Variants in VIT observed in about 807,000 individuals in gnomAD.
VIT encodes vitrin.
In VIT, 99 loss-of-function variants were observed where a neutral mutation model predicts 78.0. That is an observed-to-expected ratio of 1.27 (90% CI 1.08 to 1.50). The LOEUF (loss-of-function observed/expected upper bound fraction) is 1.50, where lower values mean the gene tolerates loss of function less well. VIT is among the 40% of genes most tolerant of loss of function. The pLI, the probability that VIT is intolerant of heterozygous loss-of-function variation, is 0.00. For synonymous variants in VIT, 374 were observed against 334.3 expected, an observed-to-expected ratio of 1.12 and a Z score of -1.29; for missense variants, 1,126 against 875.3, an observed-to-expected ratio of 1.29 and a Z score of -3.61.
chr2:36,743,032 T>C, intron 3 of VIT, 68 bp from the exon 4 acceptor site: 1 of 1,591,398 alleles, frequency 6.3e-7, no homozygotes, highest in African/African-American at 1.3e-5. Context: ...AGTTGAGACC[T>C]AACAGTGTCA....
In VIT at chr2:36,719,173, G is replaced by A. The variant is rs565416377; in HGVS notation, c.52+2751G>A. Among the ~76,000 whole-genome samples the A allele has an allele frequency of 6.6e-5, 10 of 152,294 alleles. 1 individual carries two copies. In the South Asian group the frequency reaches 2.1e-3, roughly 32 times the overall value. On this transcript the variant is annotated intron_variant, in intron 2 of 15. Coordinates refer to ENST00000379242, the MANE Select transcript of VIT (RefSeq NM_053276.4). ...ATAGCAAGAAATCAAAGTAGAAAAA[G>A]GAGACTCCTATACCTCAACACAATA...
chr2:36,716,427 G>A lies in VIT; in HGVS notation c.52+5G>A, dbSNP rs971568064. ...CTGTTATTGAAATGTTCCTTGGTAA[G>A]TACTTTTATATGTGTATCTGGATAC... On this transcript the variant is annotated splice_donor_5th_base_variant and intron_variant, in intron 2 of 15. Coordinates refer to ENST00000379242, the MANE Select transcript of VIT (RefSeq NM_053276.4). The A allele has an allele frequency of 1.2e-6, 2 of 1,613,478 alleles. No individual in the cohort carries two copies. The highest frequency in any genetic ancestry group is 1.7e-6 in the Non-Finnish European group (2 of 1,179,744).
chr2:36,787,889 G>A (rs1267137494), intron 12 of VIT: 9 of 452,044 alleles, frequency 2.0e-5, no homozygotes, highest in Non-Finnish European at 3.1e-5. Flanking sequence ...GATGACTTTC[G>A]CCAACCTGCT....
chr2:36,716,930 G>A (rs565789732), intron 2 of VIT, among the ~76,000 whole-genome samples: 1 of 128,098 alleles, frequency 7.8e-6, no homozygotes, highest in South Asian at 2.6e-4. Context: ...AGGCTGGAAT[G>A]CAGTGGAGTG....
chr2:36,801,337 C>G lies in VIT; in HGVS notation c.1095C>G (p.His365Gln). 3 of 1,614,168 alleles carry G rather than the reference C, an allele frequency of 1.9e-6. No homozygotes were observed. Among genetic ancestry groups the G allele is most frequent in the Non-Finnish European group, 2.5e-6 (3 of 1,180,042 alleles). Residue 365 changes from histidine (H) to glutamine (Q), a missense_variant, in exon 13 of 16, where the codon CAC becomes CAG. Coordinates refer to ENST00000379242, the MANE Select transcript of VIT (RefSeq NM_053276.4). ...NPATHFNLKTHTNSRDLKTAI... is the reference protein window; with the variant it reads ...NPATHFNLKTQTNSRDLKTAI... ...CTACTCACTTTAACCTCAAGACACACACGAATTCTCGAGATCTGAAGACAG... is the reference window on the plus strand; with the variant it reads ...CTACTCACTTTAACCTCAAGACACAGACGAATTCTCGAGATCTGAAGACAG...
At chr2:36,781,645 T>C in intron 9 of VIT, 82 bp from the exon 10 acceptor site, 1 of 1,517,866 alleles carries the variant, frequency 6.6e-7, no homozygotes, top group Non-Finnish European at 9.1e-7. Context: ...TGGGAAACCT[T>C]ATCATCCCGG....
chr2:36,784,286 T>C (rs1471122708), intron 11 of VIT, among the ~76,000 whole-genome samples: 1 of 152,218 alleles, frequency 6.6e-6, no homozygotes, highest in Non-Finnish European at 1.5e-5. Context: ...TTGCTGCATA[T>C]GAGAATCACC....
At chr2:36,759,473 T>C (rs998503493) in intron 6 of VIT, 2 of 1,198,930 alleles carry the variant, frequency 1.7e-6, no homozygotes, top group African/African-American at 3.1e-5. Flanking sequence ...CTCATCCAAA[T>C]AACCCAGGCC....
intron 7 of VIT, among the ~76,000 whole-genome samples, chr2:36,769,848 C>A (rs1669643084): frequency 6.6e-6 from 1 of 152,164 alleles, no homozygotes; most frequent in South Asian, 2.1e-4. Flanking sequence ...ATTTCCCCAA[C>A]CCCTCCTCCC....
intron 10 of VIT, among the ~76,000 whole-genome samples, chr2:36,782,962 G>C (rs1461263710): frequency 1.3e-5 from 2 of 152,166 alleles, no homozygotes; most frequent in Non-Finnish European, 2.9e-5. Context: ...ATCTTGGCAC[G>C]GTGGAGGTTT....
At chr2:36,812,700 C>A (rs1239656579) in intron 15 of VIT, among the ~76,000 whole-genome samples, 1 of 152,118 alleles carries the variant, frequency 6.6e-6, no homozygotes, top group African/African-American at 2.4e-5. Context: ...CACCTACTGA[C>A]TCCCTTTCAC....
intron 1 of VIT, among the ~76,000 whole-genome samples, chr2:36,704,463 G>A (rs1390243508): frequency 6.6e-6 from 1 of 152,134 alleles, no homozygotes; most frequent in Non-Finnish European, 1.5e-5. Context: ...TTAACAGGCC[G>A]CTATATATCC....
chr2:36,755,525 A>C lies in VIT; in HGVS notation c.409+471A>C, dbSNP rs1668709039. On this transcript the variant is annotated intron_variant, in intron 5 of 15. Coordinates refer to ENST00000379242, the MANE Select transcript of VIT (RefSeq NM_053276.4). ...TCCATTGTTGGTGATGCTAAGTTTG[A>C]TTCACTGGATATTTTACCATATCTG... Among the ~76,000 whole-genome samples, 4 of 152,164 alleles carry C rather than the reference A, an allele frequency of 2.6e-5. No homozygotes were observed. The South Asian group carries it at 8.3e-4, about 32-fold the overall frequency.
chr2:36,746,990 G>A (rs1487587827), intron 4 of VIT, among the ~76,000 whole-genome samples: 1 of 152,002 alleles, frequency 6.6e-6, no homozygotes, highest in Non-Finnish European at 1.5e-5. Flanking sequence ...AGAGATTTTG[G>A]TATGTTGTGT....
chr2:36,697,582 A>G (rs1040621795), intron 1 of VIT, among the ~76,000 whole-genome samples: 1 of 152,248 alleles, frequency 6.6e-6, no homozygotes, highest in African/African-American at 2.4e-5. Context: ...GGCATTGTTA[A>G]GTCTGCCATC....
intron 1 of VIT, among the ~76,000 whole-genome samples, chr2:36,700,022 T>G (rs1166255300): frequency 1.7e-4 from 26 of 152,202 alleles, no homozygotes; most frequent in Admixed American, 1.6e-3. Flanking sequence ...TTAGTTAATT[T>G]TTTTTAATTA....
chr2:36,749,183 T>A (rs1459687361), intron 4 of VIT, among the ~76,000 whole-genome samples: 2 of 152,226 alleles, frequency 1.3e-5, no homozygotes, highest in African/African-American at 4.8e-5. Flanking sequence ...TCTACCTGTA[T>A]GTGCTGAGCA....
intron 2 of VIT, among the ~76,000 whole-genome samples, chr2:36,718,313 T>G (rs1176074687): frequency 6.6e-6 from 1 of 151,980 alleles, no homozygotes; most frequent in Non-Finnish European, 1.5e-5. Context: ...AAGAAGGTAA[T>G]ACAGCTGGGA....
intron 15 of VIT, among the ~76,000 whole-genome samples, chr2:36,809,692 G>A (rs1285455903): frequency 1.3e-5 from 2 of 152,194 alleles, no homozygotes; most frequent in Admixed American, 1.3e-4. Flanking sequence ...CAGAATTACA[G>A]TAGTGAGTCA....
Sources: gnomAD v4.1 joint callset for allele counts (sites outside exome capture counted in the v4.1 genomes callset) on GRCh38, gnomAD v4.1.1 for gene constraint, MANE v1.5 for transcripts, NCBI Gene and HGNC (gene_info 2026-07-23, HGNC 2026-07-21) for gene names.